SNTB1: variants seen among roughly 807,000 people sequenced by gnomAD.
SNTB1 encodes the protein beta-1-syntrophin.
Under a neutral mutation model 48.9 loss-of-function variants are expected in SNTB1, and 36 were observed. That is an observed-to-expected ratio of 0.74 (90% CI 0.56 to 0.97). The LOEUF is 0.97. Ranked by LOEUF, SNTB1 falls within the 50% of genes least tolerant of loss-of-function variation. The pLI is 0.00. For missense variants in SNTB1, 786 were observed against 703.4 expected (o/e 1.12, Z -1.33); for synonymous variants, 299 against 294.6 (o/e 1.01, Z -0.15).
chr8:120,610,816 G>A (rs117548323), intron 3 of SNTB1, among the ~76,000 whole-genome samples: 8 of 152,252 alleles, frequency 5.3e-5, no homozygotes, highest in Non-Finnish European at 1.0e-4. Context: ...CCTGGTGCCC[G>A]CTGTGATCAA....
intron 3 of SNTB1, among the ~76,000 whole-genome samples, chr8:120,589,823 TCAC>T (rs1030585726): frequency 5.3e-5 from 8 of 152,218 alleles, no homozygotes; most frequent in African/African-American, 1.9e-4. Flanking sequence ...CTTCCAAATA[TCAC>T]CACATTGGGA....
intron 3 of SNTB1, among the ~76,000 whole-genome samples, chr8:120,590,321 G>A (rs563424406): frequency 9.5e-4 from 144 of 152,246 alleles, no homozygotes; most frequent in Non-Finnish European, 1.5e-3. Context: ...CTCCTTGCTG[G>A]AGTTAAAGAA....
At chr8:120,752,763 C>T (rs902404537) in intron 1 of SNTB1, among the ~76,000 whole-genome samples, 5 of 151,914 alleles carry the variant, frequency 3.3e-5, no homozygotes, top group Non-Finnish European at 7.4e-5. Context: ...TAAGAGGGAG[C>T]TAAACACTGA....
intron 1 of SNTB1, among the ~76,000 whole-genome samples, chr8:120,708,238 G>C (rs1370197885): frequency 6.6e-6 from 1 of 151,688 alleles, no homozygotes; most frequent in Non-Finnish European, 1.5e-5. Context: ...AGAAAATAGA[G>C]AGCATGGTTA....
chr8:120,756,242 G>T (rs543714622), intron 1 of SNTB1, among the ~76,000 whole-genome samples: 7 of 151,978 alleles, frequency 4.6e-5, no homozygotes, highest in Non-Finnish European at 8.8e-5. Context: ...TATATTTGTT[G>T]TCTGTTTCTT....
At chr8:120,783,725 C>G (rs1819868847) in intron 1 of SNTB1, among the ~76,000 whole-genome samples, 1 of 152,182 alleles carries the variant, frequency 6.6e-6, no homozygotes, top group Non-Finnish European at 1.5e-5. Context: ...TCCCTACTGC[C>G]CCTTCCAGAT....
At chr8:120,690,708 G>A (rs1255248628) in intron 2 of SNTB1, among the ~76,000 whole-genome samples, 3 of 152,178 alleles carry the variant, frequency 2.0e-5, no homozygotes, top group African/African-American at 7.2e-5. Flanking sequence ...TGTTAGATGT[G>A]TCTCTTGCAT....
At chr8:120,691,747 TA>T (rs146965690) in intron 2 of SNTB1, among the ~76,000 whole-genome samples, 8 of 151,732 alleles carry the variant, frequency 5.3e-5, no homozygotes, top group Middle Eastern at 3.4e-3. Context: ...TTAGACTATT[TA>T]AAAAAAAACA....
chr8:120,752,677 TTATCCTAAGTTAATTAGGA>T (rs1819241250), intron 1 of SNTB1, among the ~76,000 whole-genome samples: 2 of 151,692 alleles, frequency 1.3e-5, no homozygotes, highest in South Asian at 4.2e-4. Flanking sequence ...CTGGAGGCCA[TTATCCTAAGTTAATTAGGA>T]TATCCTAAGT....
At chr8:120,810,347 C>G (rs909661020) in intron 1 of SNTB1, among the ~76,000 whole-genome samples, 2 of 152,184 alleles carry the variant, frequency 1.3e-5, no homozygotes, top group Non-Finnish European at 2.9e-5. Flanking sequence ...CCCTTCTCCC[C>G]CACATAACTC....
chr8:120,670,164 A>C (rs949442757), intron 2 of SNTB1, among the ~76,000 whole-genome samples: 2 of 152,228 alleles, frequency 1.3e-5, no homozygotes, highest in Non-Finnish European at 2.9e-5. Flanking sequence ...ATTGTGCTTC[A>C]GCATGGATAA....
rs139998290 is a variant in SNTB1 at position 120,659,474 on chromosome 8, C to A, written c.789-26823G>T. ...ATTTTAGTTCTCTTGCTATTTCTAC[C>A]ACATCTGCAATTACTTCTTTCATTG... is the stretch of plus-strand genomic sequence containing the variant. On this transcript the variant is annotated intron_variant, in intron 2 of 6. Transcript: ENST00000517992. Among the ~76,000 whole-genome samples the A allele has an allele frequency of 1.1e-4, 16 of 152,276 alleles. No homozygotes were observed. The East Asian group carries it at 3.1e-3, about 29-fold the overall frequency.
chr8:120,753,615 T>G (rs1056628575), intron 1 of SNTB1, among the ~76,000 whole-genome samples: 8 of 152,184 alleles, frequency 5.3e-5, no homozygotes, highest in Non-Finnish European at 8.8e-5. Flanking sequence ...CAGTGCTTGG[T>G]ACATTTTCCC....
chr8:120,648,798 G>A (rs1421615133), intron 2 of SNTB1, among the ~76,000 whole-genome samples: 2 of 152,118 alleles, frequency 1.3e-5, no homozygotes, highest in African/African-American at 4.8e-5. Context: ...TCACTTTCAG[G>A]TACACCAATC....
intron 4 of SNTB1, among the ~76,000 whole-genome samples, chr8:120,571,990 T>C (rs1815862656): frequency 6.6e-6 from 1 of 152,058 alleles, no homozygotes; most frequent in African/African-American, 2.4e-5. Context: ...CATCTTTAGC[T>C]CCCCACCTCC....
chr8:120,596,291 C>T (rs1193324259), intron 3 of SNTB1, among the ~76,000 whole-genome samples: 1 of 152,214 alleles, frequency 6.6e-6, no homozygotes, highest in Admixed American at 6.5e-5. Flanking sequence ...GATATTTTCT[C>T]TAATCAGAGA....
chr8:120,760,261 T>C (rs1019012567), intron 1 of SNTB1, among the ~76,000 whole-genome samples: 6 of 149,252 alleles, frequency 4.0e-5, no homozygotes, highest in Admixed American at 2.0e-4. Flanking sequence ...AAGATCATGG[T>C]ATTTGTCACT....
chr8:120,598,797 CT>C (rs1163775583), intron 3 of SNTB1, among the ~76,000 whole-genome samples: 1 of 152,200 alleles, frequency 6.6e-6, no homozygotes, highest in Non-Finnish European at 1.5e-5. Flanking sequence ...CTCTTCCTAG[CT>C]TCTAGAGCTG....
intron 1 of SNTB1, among the ~76,000 whole-genome samples, chr8:120,810,475 G>A (rs1414681698): frequency 2.0e-5 from 3 of 152,116 alleles, no homozygotes; most frequent in Admixed American, 6.6e-5. Flanking sequence ...TCGCACGCAG[G>A]GGAAACTGTT....
Sources: allele counts gnomAD v4.1 joint callset (sites outside exome capture counted in the v4.1 genomes callset), GRCh38; gene constraint gnomAD v4.1.1; transcripts MANE v1.5; gene names NCBI Gene and HGNC (gene_info 2026-07-23, HGNC 2026-07-21).